The following FSTL5 variants were observed in gnomAD, a reference collection of about 807,000 sequenced individuals.
FSTL5 encodes follistatin like 5.
A neutral mutation model predicts 89.1 loss-of-function variants in FSTL5; 62 were observed. That is an observed-to-expected ratio of 0.70 (90% confidence interval 0.57 to 0.86). The LOEUF (loss-of-function observed/expected upper bound fraction) is 0.86. FSTL5 is among the 40% of genes least tolerant of loss of function. The probability of loss-of-function intolerance (pLI) is 0.00; values close to 1 mark genes in which losing one functional copy is unlikely to be tolerated. For synonymous variants in FSTL5, 383 were observed against 346.2 expected (o/e 1.11, Z -1.18); for missense variants, 1,057 against 1,001.6 (o/e 1.06, Z -0.75).
chr4:161,437,307 C>T (rs1158485285), intron 15 of FSTL5, among the ~76,000 whole-genome samples: 1 of 152,076 alleles, frequency 6.6e-6, no homozygotes, highest in Non-Finnish European at 1.5e-5. Context: ...TGGCTCACGC[C>T]TGTAATCCCA....
intron 13 of FSTL5, among the ~76,000 whole-genome samples, chr4:161,470,507 T>A (rs2126432745): frequency 6.6e-6 from 1 of 152,318 alleles, no homozygotes; most frequent in African/African-American, 2.4e-5. Context: ...CAGTAAGTTT[T>A]GACACAAGAA....
chr4:162,162,971 T>G (rs74504704), intron 1 of FSTL5, among the ~76,000 whole-genome samples: 5,712 of 152,224 alleles, frequency 0.038, 129 homozygotes, highest in Admixed American at 0.049. Context: ...GCCCCCAACT[T>G]GGAAATACAC....
chr4:161,683,874 G>A (rs897471336), intron 6 of FSTL5, among the ~76,000 whole-genome samples: 5 of 152,138 alleles, frequency 3.3e-5, no homozygotes, highest in Admixed American at 1.3e-4. Flanking sequence ...CACCCAATTT[G>A]TGGTCTTTTA....
At chr4:161,466,065 T>C (rs1323492951) in intron 13 of FSTL5, among the ~76,000 whole-genome samples, 1 of 152,218 alleles carries the variant, frequency 6.6e-6, no homozygotes, top group Admixed American at 6.5e-5. Context: ...ACCCTATTGC[T>C]TTGTATGTTA....
chr4:161,907,093 C>T (rs879942087), intron 4 of FSTL5, among the ~76,000 whole-genome samples: 30 of 152,048 alleles, frequency 2.0e-4, no homozygotes, highest in Non-Finnish European at 4.3e-4. Context: ...TGCTATGTTA[C>T]TCAGGCATAT....
intron 4 of FSTL5, among the ~76,000 whole-genome samples, chr4:161,788,968 A>C (rs1742018102): frequency 1.3e-5 from 2 of 152,180 alleles, no homozygotes; most frequent in African/African-American, 2.4e-5. Flanking sequence ...GAAACAGAAA[A>C]ACTAAGATTT....
chr4:161,925,994 T>G (rs1578865761), intron 3 of FSTL5, among the ~76,000 whole-genome samples: 1 of 151,956 alleles, frequency 6.6e-6, no homozygotes, highest in Non-Finnish European at 1.5e-5. Flanking sequence ...ATTTTGGTGA[T>G]GTTTTGATTC....
At chr4:161,690,119 T>C (rs1400288050) in intron 6 of FSTL5, among the ~76,000 whole-genome samples, 1 of 152,110 alleles carries the variant, frequency 6.6e-6, no homozygotes, top group African/African-American at 2.4e-5. Context: ...TGAGTTCCTG[T>C]TTTTAATTCT....
At chr4:161,818,042 C>A (rs1204526347) in intron 4 of FSTL5, among the ~76,000 whole-genome samples, 1 of 152,218 alleles carries the variant, frequency 6.6e-6, no homozygotes. Flanking sequence ...TGCCCCCATC[C>A]TGTGCCTATA....
In FSTL5 at chr4:161,594,769, C is replaced by A. The variant is rs535894042; in HGVS notation, c.895-7194G>T. Among the ~76,000 whole-genome samples the A allele has an allele frequency of 4.2e-4, 63 of 151,762 alleles. 1 individual carries two copies. Among genetic ancestry groups the A allele is most frequent in the African/African-American group, 1.2e-3 (50 of 41,442 alleles). ...TCATCAGTTTGAATAAAGCATAGAC[C>A]TTTTCAATATATTTAAAATAAAACA... is the stretch of plus-strand genomic sequence containing the variant. On this transcript the variant is annotated intron_variant, in intron 7 of 15. Coordinates refer to ENST00000306100, the MANE Select transcript of FSTL5 (RefSeq NM_020116.5).
intron 4 of FSTL5, among the ~76,000 whole-genome samples, chr4:161,778,092 T>TCACACACACACA (rs71598736): frequency 4.7e-5 from 7 of 148,242 alleles, no homozygotes; most frequent in African/African-American, 1.7e-4. Context: ...AGACTCCGTA[T>TCACACACACACA]CACACACACA....
chr4:161,930,190 A>C (rs1734248641), intron 3 of FSTL5, among the ~76,000 whole-genome samples: 1 of 151,824 alleles, frequency 6.6e-6, no homozygotes, highest in Non-Finnish European at 1.5e-5. Flanking sequence ...TCTGATCTGC[A>C]GCTACAAACA....
At chr4:161,747,764 G>C (rs1021776655) in intron 6 of FSTL5, among the ~76,000 whole-genome samples, 1 of 152,158 alleles carries the variant, frequency 6.6e-6, no homozygotes, top group Non-Finnish European at 1.5e-5. Context: ...GCAGCACTCA[G>C]GCCCTAACAA....
At chr4:161,749,684 C>T (rs977051147) in intron 6 of FSTL5, among the ~76,000 whole-genome samples, 3 of 151,564 alleles carry the variant, frequency 2.0e-5, no homozygotes, top group Non-Finnish European at 2.9e-5. Flanking sequence ...CCCAGCTACT[C>T]GGGAGGCTGA....
At chr4:162,110,469 T>C (rs1490992077) in intron 2 of FSTL5, among the ~76,000 whole-genome samples, 2 of 151,848 alleles carry the variant, frequency 1.3e-5, no homozygotes, top group African/African-American at 4.8e-5. Context: ...AAAAATCTAT[T>C]TGTTTATTTC....
At chr4:161,999,584 T>C (rs1057119849) in intron 3 of FSTL5, among the ~76,000 whole-genome samples, 1 of 152,194 alleles carries the variant, frequency 6.6e-6, no homozygotes, top group Non-Finnish European at 1.5e-5. Flanking sequence ...TCAGCAAATA[T>C]AGTGTCTATA....
chr4:161,862,940 C>T (rs2126891965), intron 4 of FSTL5, among the ~76,000 whole-genome samples: 1 of 152,154 alleles, frequency 6.6e-6, no homozygotes, highest in South Asian at 2.1e-4. Flanking sequence ...AAATATTCTC[C>T]TCATCAAATA....
At chr4:161,473,274 C>G (rs1734012159) in intron 13 of FSTL5, among the ~76,000 whole-genome samples, 1 of 152,104 alleles carries the variant, frequency 6.6e-6, no homozygotes, top group Non-Finnish European at 1.5e-5. Flanking sequence ...CATTGTAGAA[C>G]TCCCTATTTC....
At chr4:161,721,220 G>A (rs1739197385) in intron 6 of FSTL5, among the ~76,000 whole-genome samples, 1 of 144,986 alleles carries the variant, frequency 6.9e-6, no homozygotes, top group African/African-American at 2.5e-5. Context: ...GGAGCTTGCA[G>A]TGAGCCGAGA....
Sources: gnomAD v4.1 joint callset for allele counts (sites outside exome capture counted in the v4.1 genomes callset) on GRCh38, gnomAD v4.1.1 for gene constraint, MANE v1.5 for transcripts, NCBI Gene and HGNC (gene_info 2026-07-23, HGNC 2026-07-21) for gene names.